Variants in CLEC2A observed in about 807,000 individuals in gnomAD.
CLEC2A encodes the protein keratinocyte-associated C-type lectin.
Under a neutral mutation model 18.6 loss-of-function variants are expected in CLEC2A, and 19 were observed. The ratio of observed to expected loss-of-function variants is 1.02; its 90% CI spans 0.71 to 1.50. The LOEUF (loss-of-function observed/expected upper bound fraction) is 1.50. Ranked by LOEUF, CLEC2A falls within the 40% of genes most tolerant of loss-of-function variation. CLEC2A has a pLI of 0.00. For missense variants in CLEC2A, 190 were observed against 207.9 expected (o/e 0.91, Z 0.53); for synonymous variants, 74 against 64.0 (o/e 1.16, Z -0.75).
At chr12:9,900,263 T>C (rs1862806916) in intron 4 of CLEC2A, among the ~76,000 whole-genome samples, 1 of 152,222 alleles carries the variant, frequency 6.6e-6, no homozygotes, top group African/African-American at 2.4e-5. Context: ...TCTTGTTCTT[T>C]CTGACCTGAA....
intron 3 of CLEC2A, among the ~76,000 whole-genome samples, chr12:9,918,405 T>C (rs1017291386): frequency 6.6e-6 from 1 of 152,162 alleles, no homozygotes; most frequent in East Asian, 1.9e-4. Context: ...GATCAGATGG[T>C]CGTAGGTGTG....
At chr12:9,926,575 G>A (rs1264569111) in intron 1 of CLEC2A, among the ~76,000 whole-genome samples, 1 of 152,120 alleles carries the variant, frequency 6.6e-6, no homozygotes. Context: ...AAATCACTGA[G>A]TTTTGGGGGA....
downstream of CLEC2A, among the ~76,000 whole-genome samples, chr12:9,896,796 T>C (rs185112033): frequency 9.2e-5 from 14 of 152,254 alleles, no homozygotes; most frequent in East Asian, 2.5e-3. Flanking sequence ...TATGTCCTTA[T>C]GTTCTTTTGT....
At chr12:9,910,822 G>A (rs548244391), downstream of CLEC2A, among the ~76,000 whole-genome samples, 29 of 152,138 alleles carry the variant, frequency 1.9e-4, no homozygotes, top group South Asian at 1.9e-3. Flanking sequence ...TGAGGCCAAC[G>A]CAACGAGAGA....
At chr12:9,922,260 A>T (rs1308956400) in intron 2 of CLEC2A, 28 bp from the exon 3 acceptor site, 1 of 1,492,802 alleles carries the variant, frequency 6.7e-7, no homozygotes, top group African/African-American at 1.4e-5. Context: ...AAATGATCAG[A>T]TAAAGCATAT....
the CLEC2A span, among the ~76,000 whole-genome samples, chr12:9,885,514 T>C: frequency 6.0e-4 from 91 of 151,988 alleles, no homozygotes; most frequent in African/African-American, 2.1e-3. Context: ...AAATGAGTAG[T>C]GTTTTACATA....
chr12:9,878,666 A>G, the CLEC2A span, among the ~76,000 whole-genome samples: 4 of 152,208 alleles, frequency 2.6e-5, no homozygotes, highest in Non-Finnish European at 5.9e-5. Flanking sequence ...TGGCCCAGGC[A>G]TAGAAGGTAA....
Position 9,924,721 on chromosome 12 carries a change from G to GT in CLEC2A, c.139+1538dup, listed in dbSNP as rs199796360. 2.2e-3 allele frequency among the ~76,000 whole-genome samples: 336 copies of GT among 151,704 alleles called. 2 individuals carry two copies. Among genetic ancestry groups the GT allele is most frequent in the African/African-American group, 6.0e-3 (250 of 41,348 alleles). On this transcript the variant is annotated intron_variant, in intron 2 of 4. Transcript: ENST00000455827. ...AGGTCACATATGCCGTTATTTCTTT[G>GT]TTTTTTTTCATTTAACTTAATATGA...
In CLEC2A at chr12:9,900,282, T is replaced by C. The variant is rs1318794216; in HGVS notation, c.411-1306A>G. ...GTTCTTTCTGACCTGAAGCCAGACA[T>C]TGCTGGTTGCTTCACAAGAACATGC... On this transcript the variant is annotated intron_variant, in intron 4 of 4. Coordinates refer to the CLEC2A transcript ENST00000339766. Among the ~76,000 whole-genome samples the C allele has an allele frequency of 4.6e-5, 7 of 152,344 alleles. No individual in the cohort carries two copies. The East Asian group carries it at 1.2e-3, about 25-fold the overall frequency.
intron 1 of CLEC2A, 123 bp from the exon 2 acceptor site, chr12:9,926,466 A>C: frequency 1.1e-5 from 7 of 645,964 alleles, no homozygotes; most frequent in East Asian, 2.8e-5. Context: ...CATACATCTC[A>C]AAATAACAAA....
chr12:9,892,375 A>G, the CLEC2A span, among the ~76,000 whole-genome samples: 1 of 152,138 alleles, frequency 6.6e-6, no homozygotes, highest in Non-Finnish European at 1.5e-5. Flanking sequence ...TGTCAAAGGA[A>G]TTAGAACCAG....
At chr12:9,930,583 T>C (rs75936592) in intron 1 of CLEC2A, among the ~76,000 whole-genome samples, 1 of 152,118 alleles carries the variant, frequency 6.6e-6, no homozygotes, top group South Asian at 2.1e-4. Context: ...TTTAATTTTG[T>C]ATATTTTTCT....
intron 1 of CLEC2A, among the ~76,000 whole-genome samples, chr12:9,929,899 A>G (rs1863346143): frequency 6.6e-6 from 1 of 152,000 alleles, no homozygotes; most frequent in Non-Finnish European, 1.5e-5. Context: ...TTCTATAATT[A>G]TTTATTTCTT....
chr12:9,886,721 C>T, the CLEC2A span, among the ~76,000 whole-genome samples: 1 of 141,260 alleles, frequency 7.1e-6, no homozygotes, highest in Non-Finnish European at 1.5e-5. Flanking sequence ...TCTTGTCAAT[C>T]TGTCGGTCTA....
chr12:9,904,548 C>T (rs532461518), intron 4 of CLEC2A, among the ~76,000 whole-genome samples: 1 of 152,242 alleles, frequency 6.6e-6, no homozygotes, highest in South Asian at 2.1e-4. Flanking sequence ...GAGGAGAGCG[C>T]TGAGCCTGAT....
At chr12:9,923,388 G>A (rs1024720545) in intron 2 of CLEC2A, among the ~76,000 whole-genome samples, 57 of 152,206 alleles carry the variant, frequency 3.7e-4, no homozygotes, top group African/African-American at 1.3e-3. Flanking sequence ...ATATCATCTC[G>A]CACCAGTTAG....
At chr12:9,889,091 T>C in the CLEC2A span, among the ~76,000 whole-genome samples, 1 of 152,198 alleles carries the variant, frequency 6.6e-6, no homozygotes, top group African/African-American at 2.4e-5. Flanking sequence ...AGGTGTGACA[T>C]GTAATGGCTG....
At chr12:9,911,761 G>A (rs958529935), downstream of CLEC2A, among the ~76,000 whole-genome samples, 1 of 152,080 alleles carries the variant, frequency 6.6e-6, no homozygotes, top group Non-Finnish European at 1.5e-5. Flanking sequence ...ACACAGACAG[G>A]CAGAAGAAAA....
At chr12:9,884,878 CAG>C in the CLEC2A span, 374 of 549,894 alleles carry the variant, frequency 6.8e-4, 2 homozygotes, top group Middle Eastern at 4.2e-3. Context: ...AAAAATGAAA[CAG>C]AAAAATATTT....
Sources: gnomAD v4.1 joint callset for allele counts (sites outside exome capture counted in the v4.1 genomes callset) on GRCh38, gnomAD v4.1.1 for gene constraint, MANE v1.5 for transcripts, NCBI Gene and HGNC (gene_info 2026-07-23, HGNC 2026-07-21) for gene names.